Variants in CSNK1G1 observed in about 807,000 individuals in gnomAD.
CSNK1G1 encodes the protein casein kinase 1 gamma 1, also known as casein kinase I isoform gamma-1.
CSNK1G1 carries 22 observed loss-of-function variants against 59.6 expected under a neutral mutation model. The observed-to-expected ratio is 0.37, with a 90% confidence interval of 0.26 to 0.53. The LOEUF is 0.53. Ranked by LOEUF, CSNK1G1 falls within the 20% of genes least tolerant of loss-of-function variation. The pLI, the probability that CSNK1G1 is intolerant of heterozygous loss-of-function variation, is 0.89. For synonymous variants in CSNK1G1, 179 were observed against 177.1 expected, an observed-to-expected ratio of 1.01 and a Z score of -0.08; for missense variants, 384 against 519.5, an observed-to-expected ratio of 0.74 and a Z score of 2.54.
chr15:64,309,088 C>T (rs1895849318), intron 1 of CSNK1G1, among the ~76,000 whole-genome samples: 1 of 152,074 alleles, frequency 6.6e-6, no homozygotes, highest in African/African-American at 2.4e-5. Context: ...TTAACTTATG[C>T]TCATATTTAG....
At chr15:64,320,801 T>A (rs931868730) in intron 1 of CSNK1G1, among the ~76,000 whole-genome samples, 2 of 152,098 alleles carry the variant, frequency 1.3e-5, no homozygotes, top group African/African-American at 2.4e-5. Context: ...AGTTTTTATA[T>A]GTTCGCAATT....
rs548480134 is a variant in CSNK1G1, at chr15:64,334,971, A to G, written c.-225+21017T>C. 1.1e-4 allele frequency among the ~76,000 whole-genome samples: 17 copies of G among 152,324 alleles called. No individual in the cohort carries two copies. The South Asian group carries it at 3.3e-3, about 30-fold the overall frequency. On this transcript the variant is annotated intron_variant, in intron 1 of 11. Transcript: ENST00000303052. ...ATTTAGAGTAAGCTTAGAGACCACA[A>G]TATTATTTCCATTTTTGGTTTCCCT...
At chr15:64,239,403 T>A (rs1409204090) in intron 4 of CSNK1G1, among the ~76,000 whole-genome samples, 1 of 152,166 alleles carries the variant, frequency 6.6e-6, no homozygotes, top group Non-Finnish European at 1.5e-5. Context: ...TGAGACAGGA[T>A]CTCACTCTGT....
At chr15:64,340,543 A>T (rs149678753) in intron 1 of CSNK1G1, among the ~76,000 whole-genome samples, 3 of 152,216 alleles carry the variant, frequency 2.0e-5, no homozygotes, top group East Asian at 3.8e-4. Flanking sequence ...GATGTGGTAG[A>T]GACTGCAGGT....
At chr15:64,325,381 G>T (rs933778554) in intron 1 of CSNK1G1, among the ~76,000 whole-genome samples, 2 of 152,064 alleles carry the variant, frequency 1.3e-5, no homozygotes, top group Non-Finnish European at 2.9e-5. Context: ...TCTATTAATT[G>T]GAGAAGGTAT....
intron 10 of CSNK1G1, among the ~76,000 whole-genome samples, chr15:64,191,308 C>T (rs1323023412): frequency 1.3e-5 from 2 of 152,172 alleles, no homozygotes; most frequent in Non-Finnish European, 2.9e-5. Context: ...GATCTGCCCG[C>T]CTCGGCCTCC....
At chr15:64,203,012 G>T in intron 10 of CSNK1G1, 70 bp downstream of exon 10, 2 of 1,108,692 alleles carry the variant, frequency 1.8e-6, no homozygotes, top group Non-Finnish European at 2.8e-6. Flanking sequence ...CGGAGAAGCT[G>T]AAGAATTTGG....
intron 1 of CSNK1G1, among the ~76,000 whole-genome samples, chr15:64,325,787 TAAAAG>T (rs960850481): frequency 1.3e-5 from 2 of 152,072 alleles, no homozygotes; most frequent in South Asian, 2.1e-4. Context: ...TCACTTTACA[TAAAAG>T]AAAAGATTAG....
At chr15:64,239,772 A>G (rs1372838538) in intron 4 of CSNK1G1, among the ~76,000 whole-genome samples, 1 of 152,194 alleles carries the variant, frequency 6.6e-6, no homozygotes, top group Admixed American at 6.6e-5. Flanking sequence ...GATATAAACT[A>G]GAAATTCAAC....
At chr15:64,338,697 T>G in intron 1 of CSNK1G1, among the ~76,000 whole-genome samples, 1 of 40,744 alleles carries the variant, frequency 2.5e-5, no homozygotes, top group African/African-American at 1.1e-4. Context: ...TGAAACTCGG[T>G]CTCAAAAAAA....
rs1055125800 is a variant in CSNK1G1, at chr15:64,331,857, G to A, written c.-225+24131C>T. Among the ~76,000 whole-genome samples the A allele has an allele frequency of 1.8e-4, 26 of 148,508 alleles. No individual in the cohort carries two copies. In the South Asian group the frequency reaches 3.6e-3, roughly 21 times the overall value. On this transcript the variant is annotated intron_variant, in intron 1 of 11. Transcript: ENST00000303052. ...AAAAAAACAACCCCATCAAAAAGTG[G>A]GCGAAGGACATGAACAGACACTTCT...
intron 4 of CSNK1G1, among the ~76,000 whole-genome samples, chr15:64,240,934 C>G (rs954318711): frequency 6.6e-6 from 1 of 151,890 alleles, no homozygotes; most frequent in African/African-American, 2.4e-5. Flanking sequence ...CACCAAGTTG[C>G]GATGATTAAC....
chr15:64,196,945 A>G (rs1230342066), intron 10 of CSNK1G1, among the ~76,000 whole-genome samples: 1 of 152,192 alleles, frequency 6.6e-6, no homozygotes, highest in Non-Finnish European at 1.5e-5. Flanking sequence ...ATAAAAATCT[A>G]TGCTATAAAA....
At chr15:64,196,857 C>G (rs1053179548) in intron 10 of CSNK1G1, among the ~76,000 whole-genome samples, 1 of 151,800 alleles carries the variant, frequency 6.6e-6, no homozygotes, top group African/African-American at 2.4e-5. Flanking sequence ...AGCTGCCAAA[C>G]AGAGGCAAAA....
At chr15:64,189,503 G>T in intron 10 of CSNK1G1, 2 of 1,210,008 alleles carry the variant, frequency 1.7e-6, no homozygotes, top group Non-Finnish European at 2.1e-6. Context: ...AAAATGAGTA[G>T]TTGGAGAGGC....
intron 1 of CSNK1G1, among the ~76,000 whole-genome samples, chr15:64,343,842 A>ACTGAT (rs1046590329): frequency 2.0e-5 from 3 of 151,460 alleles, no homozygotes; most frequent in Non-Finnish European, 4.4e-5. Context: ...CACAGTAGAA[A>ACTGAT]CTGATTATTT....
At position 64,188,390 on chromosome 15, in the gene CSNK1G1, A is replaced by G. The variant is rs914603443; in HGVS notation, c.1108-7936T>C. The G allele has an allele frequency of 6.5e-7, 1 of 1,536,024 alleles. No homozygotes were observed. Among genetic ancestry groups the G allele is most frequent in the Non-Finnish European group, 8.7e-7 (1 of 1,146,828 alleles). ...CAGTAAATACCTGCACTGATCCCCC[A>G]TGGCGGTCTGCAGCCAAGTGAGACG... On this transcript the variant is annotated intron_variant, in intron 10 of 11. Transcript: ENST00000303052. This position sits in a 1 kb window ranked among gnomAD's most constrained non-coding sequence, Gnocchi z 4.2.
chr15:64,250,751 C>T lies in CSNK1G1; in HGVS notation c.292+761G>A, dbSNP rs561032169. The stretch of plus-strand genomic sequence containing the variant: ...TGGGAGTGAGACCCTGTCTCCAAAA[C>T]AAGAAAGAAAGAAAGAAAAAAAAAA... On this transcript the variant is annotated intron_variant, in intron 4 of 11. Transcript: ENST00000303052. Among the ~76,000 whole-genome samples, 6 of 145,228 alleles carry T rather than the reference C, an allele frequency of 4.1e-5. No homozygotes were observed. The East Asian group carries it at 7.8e-4, about 19-fold the overall frequency.
Position 64,188,580 on chromosome 15 carries a change from A to C in CSNK1G1, c.1108-8126T>G. On this transcript the variant is annotated intron_variant, in intron 10 of 11. Coordinates refer to ENST00000303052, the MANE Select transcript of CSNK1G1 (RefSeq NM_022048.5). The surrounding 1 kb of genome is among the most constrained non-coding windows in gnomAD (Gnocchi z 4.2). The stretch of plus-strand genomic sequence containing the variant: ...AAATCAAGTACATTCGTGTCCCTGT[A>C]GGTTTTTCTTTCGGTTTTGGATTTT... The C allele has an allele frequency of 1.1e-6, 1 of 914,370 alleles. No homozygotes were observed. The highest frequency in any genetic ancestry group is 1.7e-6 in the Non-Finnish European group (1 of 604,646). The allele number at this position is 914,370 out of a possible 1,614,324, so 56.6% of individuals were successfully genotyped here.
Sources: allele counts gnomAD v4.1 joint callset (sites outside exome capture counted in the v4.1 genomes callset), GRCh38; gene constraint gnomAD v4.1.1; non-coding constraint Gnocchi (gnomAD v3.1); transcripts MANE v1.5; gene names NCBI Gene and HGNC (gene_info 2026-07-23, HGNC 2026-07-21).